ARHGEF28: variants seen among roughly 807,000 people sequenced by gnomAD.
The protein encoded by ARHGEF28 is Rho guanine nucleotide exchange factor 28.
ARHGEF28 carries 152 observed loss-of-function variants against 206.6 expected under a neutral mutation model. The observed-to-expected ratio is 0.74, with a 90% CI of 0.64 to 0.84. ARHGEF28 has a LOEUF of 0.84. ARHGEF28 is among the 40% of genes least tolerant of loss of function. The pLI, the probability that ARHGEF28 is intolerant of heterozygous loss-of-function variation, is 0.00. For synonymous variants in ARHGEF28, 763 were observed against 776.4 expected, an observed-to-expected ratio of 0.98 and a Z score of 0.29; for missense variants, 2,028 against 2,073.2, an observed-to-expected ratio of 0.98 and a Z score of 0.42.
intron 2 of ARHGEF28, among the ~76,000 whole-genome samples, chr5:73,698,506 T>C (rs1339817602): frequency 6.6e-6 from 1 of 152,168 alleles, no homozygotes; most frequent in Non-Finnish European, 1.5e-5. Context: ...ATGACCATTT[T>C]GCTTAGGGTC....
At chr5:73,675,748 A>AG (rs893716862) in intron 1 of ARHGEF28, among the ~76,000 whole-genome samples, 2 of 151,312 alleles carry the variant, frequency 1.3e-5, no homozygotes, top group African/African-American at 4.8e-5. Flanking sequence ...AAAAAAAAAA[A>AG]AAAAAAGAAA....
chr5:73,654,787 C>A (rs1241585483), intron 1 of ARHGEF28, among the ~76,000 whole-genome samples: 1 of 152,176 alleles, frequency 6.6e-6, no homozygotes, highest in African/African-American at 2.4e-5. Context: ...CTTGTTTCTA[C>A]CCCTTGTGTG....
intron 9 of ARHGEF28, among the ~76,000 whole-genome samples, chr5:73,806,400 ATATATAGATATATAGATATATAC>A (rs1324553221): frequency 3.1e-5 from 4 of 128,464 alleles, no homozygotes; most frequent in South Asian, 2.4e-4. Context: ...ATATATATAC[ATATATAGATATATAGATATATAC>A]TATATATAGT....
At chr5:73,705,781 G>A (rs1748893383) in intron 2 of ARHGEF28, among the ~76,000 whole-genome samples, 1 of 152,130 alleles carries the variant, frequency 6.6e-6, no homozygotes, top group Admixed American at 6.5e-5. Flanking sequence ...ACTCTCCTAG[G>A]TGTTTGAAGG....
At chr5:73,664,947 G>T (rs1345787730) in intron 1 of ARHGEF28, among the ~76,000 whole-genome samples, 1 of 152,130 alleles carries the variant, frequency 6.6e-6, no homozygotes, top group African/African-American at 2.4e-5. Context: ...AGGAACCAAG[G>T]AGTCACATTA....
chr5:73,844,767 CA>C (rs33999122), intron 11 of ARHGEF28, among the ~76,000 whole-genome samples: 10,526 of 82,788 alleles, frequency 0.13, 645 homozygotes, highest in African/African-American at 0.26. Context: ...CTGTAACAAC[CA>C]AAAAAAAAAA....
chr5:73,891,370 A>G (rs1761618307), intron 26 of ARHGEF28, among the ~76,000 whole-genome samples: 1 of 152,066 alleles, frequency 6.6e-6, no homozygotes, highest in African/African-American at 2.4e-5. Flanking sequence ...TTGCAAGTCT[A>G]ATGGACTTTT....
intron 10 of ARHGEF28, among the ~76,000 whole-genome samples, chr5:73,839,626 T>G (rs980716866): frequency 4.0e-5 from 6 of 151,022 alleles, no homozygotes; most frequent in African/African-American, 1.5e-4. Flanking sequence ...TAAGTAAGTC[T>G]TAGGCCCTCC....
Position 73,639,772 on chromosome 5 carries a change from TGAA to T in ARHGEF28, c.-12+13456_-12+13458del, listed in dbSNP as rs538821900. 5.9e-5 allele frequency among the ~76,000 whole-genome samples: 9 copies of T among 152,216 alleles called. No homozygotes were observed. In the East Asian group the frequency reaches 1.5e-3, roughly 26 times the overall value. Reference sequence around the variant, plus strand: ...TAAAACTGAAGTCTATAAATAGATTTGAAGAAGACGTGTTGGGGGTTGACATTT... The same window carrying T: ...TAAAACTGAAGTCTATAAATAGATTTGAAGACGTGTTGGGGGTTGACATTT... On this transcript the variant is annotated intron_variant, in intron 1 of 35. Transcript: ENST00000513042.
intron 16 of ARHGEF28, among the ~76,000 whole-genome samples, 175 bp downstream of exon 16, chr5:73,858,394 T>TG (rs1293301579): frequency 6.8e-6 from 1 of 146,090 alleles, no homozygotes; most frequent in African/African-American, 2.6e-5. Flanking sequence ...TGTCCATAAC[T>TG]GATAGCCTGT....
intron 9 of ARHGEF28, among the ~76,000 whole-genome samples, chr5:73,805,529 G>A (rs1007125703): frequency 3.9e-5 from 6 of 152,096 alleles, no homozygotes; most frequent in Admixed American, 1.3e-4. Flanking sequence ...AGTTTTTCTC[G>A]CAGGCAAAAA....
At chr5:73,700,673 T>A (rs376884997) in intron 2 of ARHGEF28, among the ~76,000 whole-genome samples, 1 of 152,170 alleles carries the variant, frequency 6.6e-6, no homozygotes, top group Admixed American at 6.5e-5. Flanking sequence ...CAAGAGGTGA[T>A]TGAGTACACG....
chr5:73,893,348 C>CT, intron 28 of ARHGEF28, 60 bp downstream of exon 28: 8 of 1,373,686 alleles, frequency 5.8e-6, no homozygotes, highest in Non-Finnish European at 7.8e-6. Flanking sequence ...TTGGGAAAGC[C>CT]TGAGTGTCAT....
At chr5:73,930,457 T>C (rs1764047170) in intron 35 of ARHGEF28, among the ~76,000 whole-genome samples, 1 of 152,252 alleles carries the variant, frequency 6.6e-6, no homozygotes, top group Admixed American at 6.5e-5. Flanking sequence ...TCAAATGTGT[T>C]CACTCTTAAT....
intron 35 of ARHGEF28, among the ~76,000 whole-genome samples, chr5:73,935,007 A>G (rs1179846718): frequency 6.6e-6 from 1 of 152,206 alleles, no homozygotes; most frequent in East Asian, 1.9e-4. Context: ...GAAGAGCATG[A>G]GAGTGAATCA....
chr5:73,924,248 G>T (rs372067449), intron 35 of ARHGEF28, among the ~76,000 whole-genome samples: 15 of 152,288 alleles, frequency 9.8e-5, no homozygotes, highest in African/African-American at 3.6e-4. Flanking sequence ...TATTTATACT[G>T]AACAATGGAG....
chr5:73,749,733 G>A, intron 2 of ARHGEF28, 104 bp from the exon 3 acceptor site: 1 of 1,282,038 alleles, frequency 7.8e-7, no homozygotes, highest in Non-Finnish European at 1.1e-6. Context: ...CACATGAAGT[G>A]AACATAACAA....
At chr5:73,893,835 A>G (rs1392848330) in intron 28 of ARHGEF28, among the ~76,000 whole-genome samples, 5 of 152,214 alleles carry the variant, frequency 3.3e-5, no homozygotes, top group South Asian at 2.1e-4. Context: ...GTGACTTTGA[A>G]GCACAGAGGG....
intron 16 of ARHGEF28, chr5:73,863,211 G>A (rs916473965): frequency 5.8e-4 from 88 of 152,106 alleles, no homozygotes; most frequent in African/African-American, 2.0e-3. Context: ...TGTCTATAGA[G>A]TAGGTGTCAT....
Sources: gnomAD v4.1 joint callset for allele counts (sites outside exome capture counted in the v4.1 genomes callset) on GRCh38, gnomAD v4.1.1 for gene constraint, MANE v1.5 for transcripts, NCBI Gene and HGNC (gene_info 2026-07-23, HGNC 2026-07-21) for gene names.